The following CTNND2 variants were observed in gnomAD, a reference collection of about 807,000 sequenced individuals.
CTNND2 encodes the protein catenin delta-2.
A neutral mutation model predicts 144.4 loss-of-function variants in CTNND2; 22 were observed. The observed-to-expected ratio is 0.15, with a 90% CI of 0.11 to 0.22. The LOEUF is 0.22. Ranked by LOEUF, CTNND2 falls within the 10% of genes least tolerant of loss-of-function variation. The pLI, the probability that CTNND2 is intolerant of heterozygous loss-of-function variation, is 1.00. For missense variants in CTNND2, 1,353 were observed against 1,618.8 expected, an observed-to-expected ratio of 0.84 and a Z score of 2.82; for synonymous variants, 751 against 695.6, an observed-to-expected ratio of 1.08 and a Z score of -1.25.
At chr5:11,658,282 A>G (rs992887029) in intron 2 of CTNND2, among the ~76,000 whole-genome samples, 2 of 152,086 alleles carry the variant, frequency 1.3e-5, no homozygotes, top group Non-Finnish European at 2.9e-5. Context: ...CATTGCCTTC[A>G]TTACATAAAC....
At chr5:11,229,670 GTGTA>G (rs893590396) in intron 10 of CTNND2, among the ~76,000 whole-genome samples, 48 of 140,402 alleles carry the variant, frequency 3.4e-4, no homozygotes, top group African/African-American at 1.1e-3. Context: ...GTGTGTGTGT[GTGTA>G]TATATATAAC....
At chr5:11,304,912 T>C (rs566409983) in intron 9 of CTNND2, among the ~76,000 whole-genome samples, 30 of 152,238 alleles carry the variant, frequency 2.0e-4, no homozygotes, top group African/African-American at 7.0e-4. Flanking sequence ...AAGAAGCACG[T>C]TATCCCAAGT....
intron 12 of CTNND2, among the ~76,000 whole-genome samples, chr5:11,155,834 A>G (rs1207033462): frequency 6.6e-6 from 1 of 152,212 alleles, no homozygotes; most frequent in Non-Finnish European, 1.5e-5. Flanking sequence ...TTCAAACGAA[A>G]AAGGACTAAG....
intron 1 of CTNND2, among the ~76,000 whole-genome samples, chr5:11,871,378 A>AT: frequency 6.6e-6 from 1 of 152,330 alleles, no homozygotes; most frequent in East Asian, 1.9e-4. Flanking sequence ...TAAAACAAGG[A>AT]TAAAAACAGT....
At chr5:11,355,994 A>G (rs1212400659) in intron 8 of CTNND2, among the ~76,000 whole-genome samples, 1 of 152,018 alleles carries the variant, frequency 6.6e-6, no homozygotes, top group African/African-American at 2.4e-5. Context: ...AACCGAGGAG[A>G]TAAAAGGCCT....
At chr5:11,766,786 T>C (rs1457361778) in intron 1 of CTNND2, among the ~76,000 whole-genome samples, 1 of 152,182 alleles carries the variant, frequency 6.6e-6, no homozygotes, top group African/African-American at 2.4e-5. Flanking sequence ...CTGTGAATTC[T>C]ATTTCTTATC....
In CTNND2 at chr5:10,981,918, G is replaced by T; in HGVS notation, c.3344-72C>A. The T allele has an allele frequency of 1.1e-5, 14 of 1,306,592 alleles. No homozygotes were observed. The South Asian group carries it at 1.5e-4, about 14-fold the overall frequency. 80.9% of individuals were successfully genotyped at this position (1,306,592 alleles called of 1,614,324 possible). A position where few individuals can be genotyped will look rare whatever the true frequency, so the allele number is the denominator to read the frequency against. On this transcript the variant is annotated intron_variant, in intron 20 of 21. Coordinates refer to ENST00000304623, the MANE Select transcript of CTNND2 (RefSeq NM_001332.4). ...CAAATAAGGAATAGTTGTTATTGAA[G>T]CAAGTTCTTGCCCTAACAAAGCTTG...
At chr5:11,251,344 C>G (rs886162455) in intron 9 of CTNND2, among the ~76,000 whole-genome samples, 2 of 152,306 alleles carry the variant, frequency 1.3e-5, no homozygotes, top group East Asian at 1.9e-4. Flanking sequence ...CACTGCACAA[C>G]TTCTCAAAAC....
At chr5:11,586,231 T>C (rs933688315) in intron 2 of CTNND2, among the ~76,000 whole-genome samples, 1 of 152,166 alleles carries the variant, frequency 6.6e-6, no homozygotes, top group African/African-American at 2.4e-5. Flanking sequence ...TCATATAAGC[T>C]ATCTCACTGT....
In CTNND2 at chr5:11,143,710, A is replaced by G. The variant is rs554897552; in HGVS notation, c.2159+15866T>C. Among the ~76,000 whole-genome samples, 6 of 152,316 alleles carry G rather than the reference A, an allele frequency of 3.9e-5. No individual in the cohort carries two copies. In the East Asian group the frequency reaches 1.2e-3, roughly 29 times the overall value. ...AATGTGAATCTTGGAGGGAGGTATA[A>G]TTTTACTCAAAACAGCCCCTAATAA... On this transcript the variant is annotated intron_variant, in intron 12 of 21. Transcript: ENST00000304623.
At chr5:11,710,488 T>C (rs1261601816) in intron 2 of CTNND2, among the ~76,000 whole-genome samples, 2 of 144,720 alleles carry the variant, frequency 1.4e-5, no homozygotes, top group Non-Finnish European at 3.0e-5. Context: ...TGCAGTGAGC[T>C]GAGATCACAC....
At position 11,491,972 on chromosome 5, in the gene CTNND2, CAAG is replaced by C. The variant is rs1769430854; in HGVS notation, c.287+72969_287+72971del. The stretch of plus-strand genomic sequence containing the variant: ...AAAACTTGCTTAGCAAAAATATTTT[CAAG>C]AAGAACAAGGACAGCTGTCAAAAAT... On this transcript the variant is annotated intron_variant, in intron 3 of 21. Coordinates refer to ENST00000304623, the MANE Select transcript of CTNND2 (RefSeq NM_001332.4). 3.3e-5 allele frequency among the ~76,000 whole-genome samples: 5 copies of C among 152,150 alleles called. No homozygotes were observed. In the South Asian group the frequency reaches 1.0e-3, roughly 32 times the overall value.
At chr5:11,455,030 T>C (rs1581233447) in intron 3 of CTNND2, among the ~76,000 whole-genome samples, 1 of 151,474 alleles carries the variant, frequency 6.6e-6, no homozygotes, top group Non-Finnish European at 1.5e-5. Context: ...CAGTGTAACA[T>C]TGAAGTTGGA....
At chr5:11,279,697 C>G (rs1746919920) in intron 9 of CTNND2, among the ~76,000 whole-genome samples, 1 of 152,194 alleles carries the variant, frequency 6.6e-6, no homozygotes, top group Admixed American at 6.5e-5. Flanking sequence ...GCTCGTGGTT[C>G]TGCAGGCTGT....
intron 2 of CTNND2, among the ~76,000 whole-genome samples, chr5:11,655,104 T>C (rs1487447845): frequency 6.6e-6 from 1 of 152,122 alleles, no homozygotes; most frequent in Non-Finnish European, 1.5e-5. Context: ...CATTTAGTTT[T>C]TCAACATTCA....
chr5:11,597,260 T>C lies in CTNND2; in HGVS notation c.175-32204A>G, dbSNP rs550556513. On this transcript the variant is annotated intron_variant, in intron 2 of 21. Coordinates refer to ENST00000304623, the MANE Select transcript of CTNND2 (RefSeq NM_001332.4). The stretch of plus-strand genomic sequence containing the variant: ...CTTAAAAATGGGGCCCTTCCGTGTA[T>C]GTTACAGCTTAAGTTCGTTCTAGAA... Among the ~76,000 whole-genome samples the C allele has an allele frequency of 9.8e-5, 15 of 152,354 alleles. No individual in the cohort carries two copies. In the East Asian group the frequency reaches 2.9e-3, roughly 29 times the overall value.
intron 1 of CTNND2, among the ~76,000 whole-genome samples, chr5:11,743,669 C>A (rs192075035): frequency 1.5e-3 from 224 of 152,196 alleles, no homozygotes; most frequent in Non-Finnish European, 2.7e-3. Flanking sequence ...GGGGGTGTGG[C>A]ATTAGGTCTT....
At chr5:11,288,251 T>G (rs1388252091) in intron 9 of CTNND2, among the ~76,000 whole-genome samples, 2 of 152,158 alleles carry the variant, frequency 1.3e-5, no homozygotes, top group African/African-American at 2.4e-5. Context: ...ATGACACTGA[T>G]GTACTGACAA....
At chr5:11,242,173 C>T (rs1228289251) in intron 9 of CTNND2, among the ~76,000 whole-genome samples, 1 of 152,150 alleles carries the variant, frequency 6.6e-6, no homozygotes, top group Non-Finnish European at 1.5e-5. Context: ...AATTACACAA[C>T]AGGAAGATAA....
Sources: gnomAD v4.1 joint callset for allele counts (sites outside exome capture counted in the v4.1 genomes callset) on GRCh38, gnomAD v4.1.1 for gene constraint, MANE v1.5 for transcripts, NCBI Gene and HGNC (gene_info 2026-07-23, HGNC 2026-07-21) for gene names.